The following SYNJ1 variants were observed in gnomAD, a reference collection of about 807,000 sequenced individuals.
SYNJ1 encodes synaptojanin 1.
Under a neutral mutation model 168.2 loss-of-function variants are expected in SYNJ1, and 78 were observed. That is an observed-to-expected ratio of 0.46 (90% CI 0.39 to 0.56). The LOEUF (loss-of-function observed/expected upper bound fraction) is 0.56. Ranked by LOEUF, SYNJ1 falls within the 20% of genes least tolerant of loss-of-function variation. SYNJ1 has a pLI of 0.00. For synonymous variants in SYNJ1, 539 were observed against 548.6 expected (o/e 0.98, Z 0.24); for missense variants, 1,303 against 1,597.6 (o/e 0.82, Z 3.14).
intron 2 of SYNJ1, among the ~76,000 whole-genome samples, chr21:32,720,380 C>A (rs542136337): frequency 6.6e-6 from 1 of 152,164 alleles, no homozygotes; most frequent in Admixed American, 6.5e-5. Flanking sequence ...CATTTCACTA[C>A]GATTAGTCCT....
In SYNJ1 at chr21:32,645,714, G is replaced by C; in HGVS notation, c.3323C>G (p.Pro1108Arg). 6.8e-7 allele frequency: 1 copy of C among 1,472,040 alleles called. No individual in the cohort carries two copies. The highest frequency in any genetic ancestry group is 9.0e-7 in the Non-Finnish European group (1 of 1,113,578). The allele number at this position is 1,472,040 out of a possible 1,614,324, so 91.2% of individuals were successfully genotyped here. Residue 1108 changes from proline (P) to arginine (R), a missense_variant, in exon 25 of 33, where the codon CCG becomes CGG. Transcript: ENST00000674351. ...AGGGGCGACCGGGCGGGGCGGCGGC[G>C]GCCGCTTGGGCTCCAAGGGCTGGGC... ...DPAQPLEPKR[P>R]PPPRPVAPPT...
intron 6 of SYNJ1, among the ~76,000 whole-genome samples, chr21:32,691,578 C>A (rs1462595511): frequency 6.6e-6 from 1 of 152,136 alleles, no homozygotes; most frequent in Non-Finnish European, 1.5e-5. Context: ...TAAACAACTT[C>A]AGGGAAAGGA....
intron 15 of SYNJ1, among the ~76,000 whole-genome samples, chr21:32,667,649 T>G (rs1472339595): frequency 6.6e-6 from 1 of 152,118 alleles, no homozygotes; most frequent in Admixed American, 6.6e-5. Context: ...GTCGGTTCAC[T>G]GCAACCTCTG....
chr21:32,664,065 G>A (rs2040823966), intron 18 of SYNJ1, among the ~76,000 whole-genome samples: 1 of 152,202 alleles, frequency 6.6e-6, no homozygotes, highest in Non-Finnish European at 1.5e-5. Flanking sequence ...CCAGTGCTAG[G>A]AGGATTTAAA....
At chr21:32,694,385 A>C in intron 5 of SYNJ1, 74 bp from the exon 6 acceptor site, 1 of 1,158,992 alleles carries the variant, frequency 8.6e-7, no homozygotes, top group South Asian at 1.8e-5. Flanking sequence ...AAACAAATTT[A>C]CTAAAATCTA....
Position 32,632,962 on chromosome 21 carries a change from G to A in SYNJ1, c.*4-1161C>T, listed in dbSNP as rs186058743. On this transcript the variant is annotated intron_variant, in intron 32 of 32. Transcript: ENST00000674351. Reference sequence around the variant, plus strand: ...TTGAACCTGGGAGGCAGAGGTTGCAGTGAGCTGAGATCGCACCACCGCACT... The same window carrying A: ...TTGAACCTGGGAGGCAGAGGTTGCAATGAGCTGAGATCGCACCACCGCACT... 2.6e-4 allele frequency among the ~76,000 whole-genome samples: 40 copies of A among 152,302 alleles called. No homozygotes were observed. In the Middle Eastern group the frequency reaches 0.01, roughly 39 times the overall value.
intron 22 of SYNJ1, among the ~76,000 whole-genome samples, chr21:32,652,593 G>A (rs1371440859): frequency 6.6e-6 from 1 of 152,192 alleles, no homozygotes; most frequent in Non-Finnish European, 1.5e-5. Context: ...CAGTGCTGCA[G>A]GAATCAGGCC....
At chr21:32,722,754 G>C (rs990344831) in intron 2 of SYNJ1, among the ~76,000 whole-genome samples, 2 of 152,126 alleles carry the variant, frequency 1.3e-5, no homozygotes, top group Non-Finnish European at 2.9e-5. Flanking sequence ...TCCTCAAGGA[G>C]TGCGGCATCC....
intron 27 of SYNJ1, among the ~76,000 whole-genome samples, chr21:32,643,005 A>T (rs533379967): frequency 6.6e-6 from 1 of 152,332 alleles, no homozygotes; most frequent in African/African-American, 2.4e-5. Flanking sequence ...AAAATACTAT[A>T]TTCTTGGATC....
chr21:32,667,686 C>T (rs2040996135), intron 15 of SYNJ1, among the ~76,000 whole-genome samples: 1 of 152,150 alleles, frequency 6.6e-6, no homozygotes, highest in Non-Finnish European at 1.5e-5. Flanking sequence ...CCTCCCACCT[C>T]AGCCCCGCAA....
intron 10 of SYNJ1, among the ~76,000 whole-genome samples, chr21:32,683,724 C>A (rs1453298270): frequency 6.6e-6 from 1 of 152,050 alleles, no homozygotes; most frequent in Non-Finnish European, 1.5e-5. Flanking sequence ...CATACACCCA[C>A]ACCCACACAT....
rs1942449331 is a variant in SYNJ1 at position 32,676,289 on chromosome 21, G to GA, written c.1534+42dup. The GA allele has an allele frequency of 6.0e-6, 9 of 1,496,442 alleles. No individual in the cohort carries two copies. The South Asian group carries it at 1.2e-4, about 20-fold the overall frequency. 92.7% of individuals were successfully genotyped at this position (1,496,442 alleles called of 1,614,324 possible). A position where few individuals can be genotyped will look rare whatever the true frequency, so the allele number is the denominator to read the frequency against. On this transcript the variant is annotated intron_variant, in intron 13 of 32. Coordinates refer to ENST00000674351, the MANE Select transcript of SYNJ1 (RefSeq NM_203446.3). ...ACAATATCGACTTCAGAAAAAATAAGAAAAAATTGCTTTTATTTATAGATT... is the reference window on the plus strand; with the variant it reads ...ACAATATCGACTTCAGAAAAAATAAGAAAAAAATTGCTTTTATTTATAGATT...
chr21:32,632,162 A>G (rs1410999145), intron 32 of SYNJ1, among the ~76,000 whole-genome samples: 1 of 152,242 alleles, frequency 6.6e-6, no homozygotes, highest in Non-Finnish European at 1.5e-5. Context: ...ATCCATACTT[A>G]TAACTTATGC....
At chr21:32,695,351 T>A (rs915204873) in intron 4 of SYNJ1, 69 bp from the exon 5 acceptor site, 4 of 1,373,432 alleles carry the variant, frequency 2.9e-6, no homozygotes, top group Non-Finnish European at 4.0e-6. Context: ...TTTAAAATAA[T>A]CTCCTGGAAA....
chr21:32,727,956 G>T lies in SYNJ1; in HGVS notation c.-33C>A, dbSNP rs1417267333. The T allele has an allele frequency of 5.2e-6, 8 of 1,533,726 alleles. No individual in the cohort carries two copies. Among genetic ancestry groups the T allele is most frequent in the Non-Finnish European group, 7.0e-6 (8 of 1,145,886 alleles). On this transcript the variant is annotated 5_prime_UTR_variant, in exon 1 of 33. Coordinates refer to ENST00000674351, the MANE Select transcript of SYNJ1 (RefSeq NM_203446.3). Reference sequence around the variant, plus strand: ...CGCCGGCTTGCTCACCTCTTCCTCCGGCTCCTCCTCCTCCTTCTCCCGCAG... The same window carrying T: ...CGCCGGCTTGCTCACCTCTTCCTCCTGCTCCTCCTCCTCCTTCTCCCGCAG...
chr21:32,713,773 C>A (rs1012664588), intron 2 of SYNJ1, among the ~76,000 whole-genome samples: 3 of 152,158 alleles, frequency 2.0e-5, no homozygotes, highest in African/African-American at 7.2e-5. Flanking sequence ...TGGATGATTT[C>A]CCATATGTCA....
chr21:32,682,752 C>A (rs2041673238), intron 10 of SYNJ1, among the ~76,000 whole-genome samples: 4 of 152,178 alleles, frequency 2.6e-5, no homozygotes, highest in Middle Eastern at 6.8e-3. Flanking sequence ...TAAGTCAGAT[C>A]CTGAAAACTA....
At chr21:32,692,483 G>C (rs2042061183) in intron 6 of SYNJ1, among the ~76,000 whole-genome samples, 1 of 152,182 alleles carries the variant, frequency 6.6e-6, no homozygotes, top group Admixed American at 6.5e-5. Context: ...GGCTGAGGTA[G>C]GAGAATTGCT....
chr21:32,715,200 C>A lies in SYNJ1; in HGVS notation c.124+11572G>T, dbSNP rs145521926. On this transcript the variant is annotated intron_variant, in intron 2 of 32. Coordinates refer to ENST00000674351, the MANE Select transcript of SYNJ1 (RefSeq NM_203446.3). The stretch of plus-strand genomic sequence containing the variant: ...AATAAAAACAAAAAGAGGCCGGGCA[C>A]GGTGGCTCACGCCTGTAACCCCAGC... Among the ~76,000 whole-genome samples the A allele has an allele frequency of 6.6e-5, 10 of 152,236 alleles. No individual in the cohort carries two copies. The East Asian group carries it at 1.9e-3, about 29-fold the overall frequency.
Sources: gnomAD v4.1 joint callset for allele counts (sites outside exome capture counted in the v4.1 genomes callset) on GRCh38, gnomAD v4.1.1 for gene constraint, MANE v1.5 for transcripts, NCBI Gene and HGNC (gene_info 2026-07-23, HGNC 2026-07-21) for gene names.